The following UBR1 variants were observed in gnomAD, a reference collection of about 807,000 sequenced individuals.
The protein encoded by UBR1 is E3 ubiquitin-protein ligase UBR1.
Under a neutral mutation model 242.1 loss-of-function variants are expected in UBR1, and 102 were observed. The ratio of observed to expected loss-of-function variants is 0.42; its 90% CI spans 0.36 to 0.50. The LOEUF (loss-of-function observed/expected upper bound fraction) is 0.50. Among genes scored for constraint, UBR1 ranks in the 20% least tolerant of loss-of-function variants. The pLI, the probability that UBR1 is intolerant of heterozygous loss-of-function variation, is 0.01. For synonymous variants in UBR1, 675 were observed against 684.8 expected, an observed-to-expected ratio of 0.99 and a Z score of 0.22; for missense variants, 1,772 against 2,101.8, an observed-to-expected ratio of 0.84 and a Z score of 3.07.
chr15:43,061,728 T>C (rs1047458894), intron 6 of UBR1, among the ~76,000 whole-genome samples: 1 of 151,322 alleles, frequency 6.6e-6, no homozygotes, highest in Non-Finnish European at 1.5e-5. Context: ...AAACATTATA[T>C]GTTCTCACTG....
chr15:43,038,526 G>A (rs529610365), intron 15 of UBR1, among the ~76,000 whole-genome samples: 96 of 152,142 alleles, frequency 6.3e-4, no homozygotes, highest in African/African-American at 2.2e-3. Flanking sequence ...CCTGGGAGGC[G>A]GAAGTTGCAG....
Position 43,053,888 on chromosome 15 carries a change from G to A in UBR1, c.1439+854C>T, listed in dbSNP as rs573917006. Among the ~76,000 whole-genome samples the A allele has an allele frequency of 4.0e-5, 6 of 150,304 alleles. No homozygotes were observed. The South Asian group carries it at 6.3e-4, about 16-fold the overall frequency. Reference sequence around the variant, plus strand: ...CGTTGCCAGGCTGGAGTGCAGTGGCGCAATCTTTGCTCACTACAACCTCCA... The same window carrying A: ...CGTTGCCAGGCTGGAGTGCAGTGGCACAATCTTTGCTCACTACAACCTCCA... On this transcript the variant is annotated intron_variant, in intron 12 of 46. Transcript: ENST00000290650.
intron 34 of UBR1, 71 bp from the exon 35 acceptor site, chr15:42,989,038 C>A: frequency 7.6e-7 from 1 of 1,319,960 alleles, no homozygotes; most frequent in Non-Finnish European, 1.1e-6. Context: ...CAATTAAGTC[C>A]TGAAGCAACA....
rs1567152721 is a variant in UBR1, at chr15:43,099,915, G to C, written c.81+6027C>G. The stretch of plus-strand genomic sequence containing the variant: ...TTTTTAGACGGAGTCTCACTCTGTC[G>C]CCCAGACTGGAGTGCAGTGGTGTGA... On this transcript the variant is annotated intron_variant, in intron 1 of 46. Transcript: ENST00000290650. Among the ~76,000 whole-genome samples the C allele has an allele frequency of 3.4e-5, 5 of 149,180 alleles. No homozygotes were observed. In the South Asian group the frequency reaches 1.1e-3, roughly 32 times the overall value.
At chr15:42,954,962 T>A (rs951179263) in intron 44 of UBR1, among the ~76,000 whole-genome samples, 12 of 150,262 alleles carry the variant, frequency 8.0e-5, no homozygotes, top group Non-Finnish European at 1.8e-4. Context: ...AGGTCAGGAG[T>A]TCAAGATCAG....
intron 39 of UBR1, among the ~76,000 whole-genome samples, chr15:42,974,045 C>T (rs868851064): frequency 5.3e-5 from 8 of 151,982 alleles, no homozygotes; most frequent in East Asian, 1.9e-4. Context: ...CCCGCCACCA[C>T]GCCCAGCTAA....
intron 29 of UBR1, among the ~76,000 whole-genome samples, chr15:43,015,463 T>C (rs1265448224): frequency 6.6e-6 from 1 of 152,122 alleles, no homozygotes. Context: ...TTAAGAGTCA[T>C]CACCACTCCC....
At chr15:42,982,299 CA>C (rs2032390175) in intron 37 of UBR1, among the ~76,000 whole-genome samples, 1 of 151,924 alleles carries the variant, frequency 6.6e-6, no homozygotes, top group African/African-American at 2.4e-5. Flanking sequence ...AATTAAAAAA[CA>C]AAAACAAAAT....
chr15:43,089,716 G>A (rs948737304), intron 1 of UBR1, among the ~76,000 whole-genome samples: 1 of 152,124 alleles, frequency 6.6e-6, no homozygotes. Flanking sequence ...GGGGACTACA[G>A]GCTCATGCCA....
At chr15:43,001,745 A>G (rs532190447) in intron 32 of UBR1, among the ~76,000 whole-genome samples, 1 of 152,360 alleles carries the variant, frequency 6.6e-6, no homozygotes, top group East Asian at 1.9e-4. Context: ...AAAACTCAAA[A>G]TGCTTAAAAC....
rs1178552602 is a variant in UBR1 at position 42,983,975 on chromosome 15, A to G, written c.4072T>C (p.Leu1358=). Residue 1358 remains leucine, a synonymous_variant, in exon 37 of 47, where the codon TTA becomes CTA. Transcript: ENST00000290650. ...QNRQHNGLKA[L]MQFAVAQRIT... ...CTCTGTGCAACTGCAAACTGCATTA[A>G]TGCTTTCAGACCATTATGCTAGATT... is the stretch of plus-strand genomic sequence containing the variant. 1 of 1,612,948 alleles carries G rather than the reference A, an allele frequency of 6.2e-7. No homozygotes were observed. Among genetic ancestry groups the G allele is most frequent in the South Asian group, 1.1e-5 (1 of 90,946 alleles).
chr15:43,018,837 T>C (rs1433287666), intron 27 of UBR1, among the ~76,000 whole-genome samples: 1 of 152,196 alleles, frequency 6.6e-6, no homozygotes, highest in Non-Finnish European at 1.5e-5. Context: ...GATATTTTGA[T>C]AATAAAATTT....
chr15:42,984,039 G>A, intron 36 of UBR1, 46 bp from the exon 37 acceptor site: 1 of 1,495,756 alleles, frequency 6.7e-7, no homozygotes, highest in Non-Finnish European at 9.2e-7. Flanking sequence ...GGGAAGATGA[G>A]AGACCTAAGT....
At chr15:42,974,965 C>G (rs982778298) in intron 39 of UBR1, among the ~76,000 whole-genome samples, 2 of 152,154 alleles carry the variant, frequency 1.3e-5, no homozygotes. Flanking sequence ...GGCATGATCT[C>G]AGCTCACTGC....
chr15:43,018,182 T>C (rs2033056138), intron 27 of UBR1, among the ~76,000 whole-genome samples: 1 of 152,028 alleles, frequency 6.6e-6, no homozygotes, highest in Admixed American at 6.5e-5. Flanking sequence ...TTTGTATTTT[T>C]AGTAGAGACG....
rs551646876 is a variant in UBR1, at chr15:43,068,562, T to C, written c.660-526A>G. ...AAAAATGTTTCCTTTTCCATGTTTT[T>C]CCCCCAATTTTTCATATTACTTTCA... On this transcript the variant is annotated intron_variant, in intron 5 of 46. Transcript: ENST00000290650. 2.6e-5 allele frequency among the ~76,000 whole-genome samples: 4 copies of C among 152,204 alleles called. No homozygotes were observed. In the East Asian group the frequency reaches 5.8e-4, roughly 22 times the overall value.
In UBR1 at chr15:43,086,176, T is replaced by C. The variant is rs759415631; in HGVS notation, c.146A>G (p.Glu49Gly). 8 of 1,614,040 alleles carry C rather than the reference T, an allele frequency of 5.0e-6. No individual in the cohort carries two copies. Among genetic ancestry groups the C allele is most frequent in the Middle Eastern group, 1.6e-4 (1 of 6,062 alleles). The change falls in exon 2 of 47, where the codon GAA becomes GGA. Residue 49 changes from glutamate to glycine, a missense_variant. Physicochemically the swap from Glu to Gly is moderately conservative, Grantham distance 98. This residue lies in a region of UBR1 where 734 missense variants were observed against 893.3 expected (regional missense o/e 0.82). Transcript: ENST00000290650. The stretch of plus-strand genomic sequence containing the variant: ...TGGGTCCATTTCAGCAAAGTAAATT[T>C]CTGGCACCAATTGTGCCAAATGATG... ...FLHHLAQLVP[E>G]IYFAEMDPDL...
chr15:43,007,037 G>T (rs1324772608), intron 30 of UBR1, 42 bp downstream of exon 30: 2 of 1,594,760 alleles, frequency 1.3e-6, no homozygotes, highest in Non-Finnish European at 1.7e-6. Flanking sequence ...ACACAGGCAT[G>T]AAAAGAAATG....
chr15:43,009,115 G>A (rs982071924), intron 29 of UBR1, among the ~76,000 whole-genome samples: 19 of 152,216 alleles, frequency 1.2e-4, no homozygotes, highest in African/African-American at 2.4e-4. Context: ...AGCTTGCCAC[G>A]TTGCAGGTGA....
Sources: gnomAD v4.1 joint callset for allele counts (sites outside exome capture counted in the v4.1 genomes callset) on GRCh38, gnomAD v4.1.1 for gene constraint, gnomAD v4.1.1 regional missense constraint, MANE v1.5 for transcripts, NCBI Gene and HGNC (gene_info 2026-07-23, HGNC 2026-07-21) for gene names.